PCNX2: variants seen among roughly 807,000 people sequenced by gnomAD.
PCNX2 encodes pecanex 2, also known as pecanex-like protein 2.
A neutral mutation model predicts 223.8 loss-of-function variants in PCNX2; 168 were observed. The observed-to-expected ratio is 0.75, with a 90% CI of 0.66 to 0.85. The LOEUF (loss-of-function observed/expected upper bound fraction) is 0.85, where lower values mean the gene tolerates loss of function less well. PCNX2 is among the 40% of genes least tolerant of loss of function. The pLI is 0.00. For synonymous variants in PCNX2, 1,006 were observed against 1,052.6 expected (o/e 0.96, Z 0.86); for missense variants, 2,507 against 2,675.5 (o/e 0.94, Z 1.39).
chr1:233,291,018 CT>C, intron 1 of PCNX2: 1 of 985,444 alleles, frequency 1.0e-6, no homozygotes, highest in Non-Finnish European at 1.2e-6. Context: ...CACAATGCCA[CT>C]GGCATAATCA....
At chr1:233,282,453 C>A (rs142392690) in intron 1 of PCNX2, among the ~76,000 whole-genome samples, 93 of 152,308 alleles carry the variant, frequency 6.1e-4, no homozygotes, top group Admixed American at 3.1e-3. Flanking sequence ...AAACTCCAAA[C>A]TACTATGTGT....
rs370030653 is a variant in PCNX2 at position 233,174,353 on chromosome 1, G to C, written c.3273+3449C>G. ...TTTTAGAAGTTCTGGCCAGTGTAAG[G>C]CTGCAAAGAGAAAAAAATGAAAAAT... On this transcript the variant is annotated intron_variant, in intron 17 of 33. Transcript: ENST00000258229. Among the ~76,000 whole-genome samples the C allele has an allele frequency of 3.4e-5, 5 of 146,638 alleles. No individual in the cohort carries two copies. The South Asian group carries it at 6.3e-4, about 19-fold the overall frequency.
At chr1:233,212,996 C>T (rs2102919507) in intron 12 of PCNX2, among the ~76,000 whole-genome samples, 1 of 152,258 alleles carries the variant, frequency 6.6e-6, no homozygotes, top group Admixed American at 6.5e-5. Context: ...CATCATGTTA[C>T]CTCTGTGGTT....
chr1:233,174,794 C>T (rs1679375787), intron 17 of PCNX2, among the ~76,000 whole-genome samples: 1 of 152,024 alleles, frequency 6.6e-6, no homozygotes, highest in Non-Finnish European at 1.5e-5. Flanking sequence ...CCAGGTAAAC[C>T]ATTAGCGGAA....
At chr1:233,231,040 C>A (rs1459897378) in intron 9 of PCNX2, among the ~76,000 whole-genome samples, 5 of 152,144 alleles carry the variant, frequency 3.3e-5, no homozygotes, top group Non-Finnish European at 7.4e-5. Flanking sequence ...CATATATTAT[C>A]TCTAATCCTT....
intron 5 of PCNX2, among the ~76,000 whole-genome samples, chr1:233,257,615 A>C (rs1659805202): frequency 6.6e-6 from 1 of 152,206 alleles, no homozygotes; most frequent in Admixed American, 6.5e-5. Flanking sequence ...TGTATTTTAT[A>C]ATAGAACTCA....
chr1:233,180,640 C>A (rs953022899), intron 15 of PCNX2: 1 of 152,174 alleles, frequency 6.6e-6, no homozygotes, highest in African/African-American at 2.4e-5. Context: ...AAATGATACA[C>A]TGGATAGAGC....
At chr1:233,303,611 G>A in the PCNX2 span, among the ~76,000 whole-genome samples, 10 of 151,736 alleles carry the variant, frequency 6.6e-5, no homozygotes, top group East Asian at 1.9e-3. Flanking sequence ...CTGAAGAAAT[G>A]AACCTTTTAT....
chr1:233,108,717 C>G (rs1193106048), intron 21 of PCNX2, among the ~76,000 whole-genome samples: 1 of 152,158 alleles, frequency 6.6e-6, no homozygotes, highest in Non-Finnish European at 1.5e-5. Context: ...TGAAAACTCA[C>G]TGCAGCTGGG....
intron 20 of PCNX2, among the ~76,000 whole-genome samples, chr1:233,135,740 T>C (rs1440574949): frequency 2.0e-5 from 3 of 152,208 alleles, no homozygotes; most frequent in Non-Finnish European, 2.9e-5. Context: ...CATAAAGCCT[T>C]TTCTATTTCT....
chr1:233,166,431 C>T (rs543613160), intron 17 of PCNX2, among the ~76,000 whole-genome samples: 5 of 149,018 alleles, frequency 3.4e-5, no homozygotes, highest in African/African-American at 1.0e-4. Flanking sequence ...TTTTGCTCTT[C>T]GAAAGACACT....
At chr1:233,252,290 T>G in intron 7 of PCNX2, 64 bp downstream of exon 7, 1 of 1,527,830 alleles carries the variant, frequency 6.5e-7, no homozygotes, top group East Asian at 2.3e-5. Context: ...GGTATCACAC[T>G]GAGTCCTGAG....
chr1:233,221,116 T>C (rs560855596), intron 10 of PCNX2, among the ~76,000 whole-genome samples: 6 of 152,092 alleles, frequency 3.9e-5, no homozygotes, highest in South Asian at 2.1e-4. Context: ...TACAGAATAA[T>C]AGAATAGGGT....
At chr1:233,119,400 A>G (rs868867622) in intron 21 of PCNX2, among the ~76,000 whole-genome samples, 28 of 118,908 alleles carry the variant, frequency 2.4e-4, no homozygotes, top group Admixed American at 5.8e-4. Context: ...TCTACTAAAA[A>G]TACAAAAAAA....
chr1:233,103,496 T>C (rs1674606423), intron 21 of PCNX2, among the ~76,000 whole-genome samples: 1 of 152,136 alleles, frequency 6.6e-6, no homozygotes. Context: ...AGTTCAATTG[T>C]TTTGATTTGT....
intron 23 of PCNX2, among the ~76,000 whole-genome samples, chr1:233,068,843 C>T (rs1672728771): frequency 1.3e-5 from 2 of 151,802 alleles, no homozygotes; most frequent in African/African-American, 4.8e-5. Flanking sequence ...CAGATATAAG[C>T]CCTAATATGT....
intron 20 of PCNX2, among the ~76,000 whole-genome samples, chr1:233,136,117 GA>G (rs2102768661): frequency 6.6e-6 from 1 of 152,326 alleles, no homozygotes; most frequent in African/African-American, 2.4e-5. Context: ...GTGCCTTCTT[GA>G]AGGGCCTGGC....
At chr1:233,182,018 G>A (rs1429258873) in intron 15 of PCNX2, among the ~76,000 whole-genome samples, 1 of 152,220 alleles carries the variant, frequency 6.6e-6, no homozygotes, top group Non-Finnish European at 1.5e-5. Flanking sequence ...ATCAGTGAAT[G>A]ACTCAGTAGT....
intron 27 of PCNX2, 58 bp from the exon 28 acceptor site, chr1:233,014,835 CA>C (rs1317881450): frequency 5.8e-6 from 8 of 1,374,080 alleles, no homozygotes; most frequent in Non-Finnish European, 8.3e-6. Context: ...TACCAACACA[CA>C]GGCATAAATG....
Sources: gnomAD v4.1 joint callset for allele counts (sites outside exome capture counted in the v4.1 genomes callset) on GRCh38, gnomAD v4.1.1 for gene constraint, MANE v1.5 for transcripts, NCBI Gene and HGNC (gene_info 2026-07-23, HGNC 2026-07-21) for gene names.